The following DNER variants were observed in gnomAD, a reference collection of about 807,000 sequenced individuals.
DNER encodes the protein delta/notch like EGF repeat containing, also known as delta and Notch-like epidermal growth factor-related receptor.
In DNER, 33 loss-of-function variants were observed where a neutral mutation model predicts 78.2. That is an observed-to-expected ratio of 0.42 (90% CI 0.32 to 0.56). The LOEUF (loss-of-function observed/expected upper bound fraction) is 0.56, where lower values mean the gene tolerates loss of function less well. DNER is among the 20% of genes least tolerant of loss of function. The pLI is 0.11. For synonymous variants in DNER, 417 were observed against 384.8 expected (o/e 1.08, Z -0.98); for missense variants, 918 against 975.3 (o/e 0.94, Z 0.78).
At chr2:229,700,275 T>C (rs1699722169) in intron 1 of DNER, among the ~76,000 whole-genome samples, 1 of 139,140 alleles carries the variant, frequency 7.2e-6, no homozygotes, top group African/African-American at 2.7e-5. Flanking sequence ...TATACATTTA[T>C]GTCAATATAT....
At chr2:229,485,767 C>T (rs986885705) in intron 6 of DNER, among the ~76,000 whole-genome samples, 4 of 152,050 alleles carry the variant, frequency 2.6e-5, no homozygotes, top group Non-Finnish European at 5.9e-5. Flanking sequence ...TCCTTCCCTG[C>T]ACAGTTGTTT....
chr2:229,615,809 G>A (rs1698149298), intron 1 of DNER, among the ~76,000 whole-genome samples: 1 of 151,908 alleles, frequency 6.6e-6, no homozygotes, highest in African/African-American at 2.4e-5. Context: ...AAAAAAATCT[G>A]TCTAAAGCTA....
intron 8 of DNER, among the ~76,000 whole-genome samples, chr2:229,432,989 G>C (rs1380358313): frequency 6.6e-6 from 1 of 152,122 alleles, no homozygotes; most frequent in Non-Finnish European, 1.5e-5. Context: ...GCCCAGGCTG[G>C]AGTGCAAAGG....
At chr2:229,413,897 T>C (rs970403775) in intron 9 of DNER, among the ~76,000 whole-genome samples, 2 of 152,068 alleles carry the variant, frequency 1.3e-5, no homozygotes, top group African/African-American at 4.8e-5. Context: ...CTATCTAAGT[T>C]CTAACTCCAG....
chr2:229,651,809 T>C (rs1698823887), intron 1 of DNER, among the ~76,000 whole-genome samples: 1 of 152,162 alleles, frequency 6.6e-6, no homozygotes, highest in Non-Finnish European at 1.5e-5. Context: ...AAACAGAGTC[T>C]AGACAAAGGA....
At chr2:229,667,485 T>C (rs1360597624) in intron 1 of DNER, among the ~76,000 whole-genome samples, 1 of 61,576 alleles carries the variant, frequency 1.6e-5, no homozygotes, top group Non-Finnish European at 3.8e-5. Flanking sequence ...ATAGACATCC[T>C]TAATGACTAT....
At chr2:229,675,981 T>TTCTCTCTGGCTGTGCTGCTGC (rs1699295186) in intron 1 of DNER, among the ~76,000 whole-genome samples, 1 of 152,172 alleles carries the variant, frequency 6.6e-6, no homozygotes, top group South Asian at 2.1e-4. Context: ...GAAGCTGCAG[T>TTCTCTCTGGCTGTGCTGCTGC]TCTCTCTGGC....
Position 229,613,037 on chromosome 2 carries a change from A to T in DNER, c.277-21149T>A, listed in dbSNP as rs372689491. On this transcript the variant is annotated intron_variant, in intron 1 of 12. Transcript: ENST00000341772. ...TTCAATCGCACTTGCATCCTCATTA[A>T]AACATTCGCATTGTAAAATGTCCAA... Among the ~76,000 whole-genome samples the T allele has an allele frequency of 2.4e-4, 37 of 152,322 alleles. 1 individual carries two copies. The East Asian group carries it at 5.8e-3, about 24-fold the overall frequency.
At chr2:229,364,036 C>T (rs1054953645) in intron 12 of DNER, among the ~76,000 whole-genome samples, 7 of 123,454 alleles carry the variant, frequency 5.7e-5, no homozygotes, top group East Asian at 2.6e-4. Context: ...CTCCCTCTGT[C>T]GCCCAGGCTG....
chr2:229,428,145 C>A (rs1017314140), intron 8 of DNER, among the ~76,000 whole-genome samples: 3 of 151,058 alleles, frequency 2.0e-5, no homozygotes, highest in Non-Finnish European at 2.9e-5. Context: ...CTGGTGGTAT[C>A]TTTCATGTGG....
At chr2:229,634,009 A>T (rs544921269) in intron 1 of DNER, among the ~76,000 whole-genome samples, 3 of 152,334 alleles carry the variant, frequency 2.0e-5, no homozygotes, top group African/African-American at 7.2e-5. Flanking sequence ...CACTGTGAAG[A>T]CTGAGTTTAA....
chr2:229,381,361 C>G (rs1271946547), intron 11 of DNER, among the ~76,000 whole-genome samples: 1 of 152,196 alleles, frequency 6.6e-6, no homozygotes, highest in Non-Finnish European at 1.5e-5. Context: ...TGGGCAGACA[C>G]TGAGCTAGCT....
chr2:229,678,447 A>T (rs1699332787), intron 1 of DNER, among the ~76,000 whole-genome samples: 1 of 152,080 alleles, frequency 6.6e-6, no homozygotes, highest in Non-Finnish European at 1.5e-5. Flanking sequence ...CCCCATAAAA[A>T]ATATTTTAAT....
intron 7 of DNER, among the ~76,000 whole-genome samples, chr2:229,475,166 C>T (rs901307828): frequency 3.3e-5 from 5 of 152,202 alleles, no homozygotes; most frequent in African/African-American, 9.6e-5. Flanking sequence ...AATCATCACC[C>T]CATTTTACAG....
chr2:229,701,011 A>G (rs1035576117), intron 1 of DNER, among the ~76,000 whole-genome samples: 1 of 152,248 alleles, frequency 6.6e-6, no homozygotes, highest in African/African-American at 2.4e-5. Context: ...ATATAAAAGT[A>G]TTTACATAGG....
intron 12 of DNER, among the ~76,000 whole-genome samples, chr2:229,363,838 C>T (rs1015616174): frequency 4.9e-4 from 74 of 152,234 alleles, no homozygotes; most frequent in African/African-American, 1.7e-3. Flanking sequence ...CCATGGATGC[C>T]TGTAGGGGCA....
chr2:229,504,100 G>A (rs948916169), intron 6 of DNER, among the ~76,000 whole-genome samples: 1 of 152,172 alleles, frequency 6.6e-6, no homozygotes, highest in African/African-American at 2.4e-5. Flanking sequence ...GAGATGGCCT[G>A]TGGTGACGTG....
chr2:229,615,229 T>C (rs1414178319), intron 1 of DNER, among the ~76,000 whole-genome samples: 1 of 149,122 alleles, frequency 6.7e-6, no homozygotes, highest in Non-Finnish European at 1.5e-5. Flanking sequence ...CTGACCAACA[T>C]GGAGAAACCC....
chr2:229,418,715 T>A (rs1465090367), intron 8 of DNER, among the ~76,000 whole-genome samples: 2 of 151,596 alleles, frequency 1.3e-5, no homozygotes, highest in African/African-American at 4.8e-5. Flanking sequence ...AGCTCAGGAG[T>A]TCGAGACCAG....
Sources: allele counts gnomAD v4.1 joint callset (sites outside exome capture counted in the v4.1 genomes callset), GRCh38; gene constraint gnomAD v4.1.1; transcripts MANE v1.5; gene names NCBI Gene and HGNC (gene_info 2026-07-23, HGNC 2026-07-21).